Variants in CEP128 observed in about 807,000 individuals in gnomAD.
The protein encoded by CEP128 is centrosomal protein 128kDa.
In CEP128, 132 loss-of-function variants were observed where a neutral mutation model predicts 156.7. The ratio of observed to expected loss-of-function variants is 0.84; its 90% confidence interval spans 0.73 to 0.97. CEP128 has a LOEUF of 0.97. Among genes scored for constraint, CEP128 ranks in the 50% least tolerant of loss-of-function variants. CEP128 has a pLI of 0.00. For synonymous variants in CEP128, 469 were observed against 448.9 expected (o/e 1.04, Z -0.57); for missense variants, 1,252 against 1,281.9 (o/e 0.98, Z 0.36).
At chr14:80,776,978 A>G (rs182422170) in intron 16 of CEP128, among the ~76,000 whole-genome samples, 4 of 152,262 alleles carry the variant, frequency 2.6e-5, no homozygotes, top group Non-Finnish European at 5.9e-5. Flanking sequence ...TTACACATCT[A>G]CTCAAAGGAA....
intron 21 of CEP128, among the ~76,000 whole-genome samples, chr14:80,531,244 T>C (rs1889212260): frequency 6.6e-6 from 1 of 152,202 alleles, no homozygotes; most frequent in South Asian, 2.1e-4. Flanking sequence ...TATGAGGTAA[T>C]ACTGAGAAAC....
At position 80,916,575 on chromosome 14, in the gene CEP128, T is replaced by C; in HGVS notation, c.-15-13A>G. The C allele has an allele frequency of 6.3e-7, 1 of 1,598,238 alleles. No individual in the cohort carries two copies. The highest frequency in any genetic ancestry group is 8.5e-7 in the Non-Finnish European group (1 of 1,169,744). On this transcript the variant is annotated splice_polypyrimidine_tract_variant and intron_variant, in intron 2 of 24. Transcript: ENST00000555265. ...ATGTACACAAATCCTTTTAAATAAA[T>C]ATAGGTCAAAGTTAATGAAACAGTA...
At chr14:80,828,328 G>T (rs1048348705) in intron 13 of CEP128, among the ~76,000 whole-genome samples, 1 of 151,858 alleles carries the variant, frequency 6.6e-6, no homozygotes, top group Admixed American at 6.6e-5. Flanking sequence ...TCACCATGTT[G>T]GCCAGGCTGG....
intron 19 of CEP128, among the ~76,000 whole-genome samples, chr14:80,703,702 C>T: frequency 6.6e-6 from 1 of 151,986 alleles, no homozygotes; most frequent in East Asian, 1.9e-4. Context: ...GTTTAACTGC[C>T]ATTGGATATC....
chr14:80,765,014 C>A (rs1900170187), intron 16 of CEP128, among the ~76,000 whole-genome samples: 1 of 152,160 alleles, frequency 6.6e-6, no homozygotes, highest in African/African-American at 2.4e-5. Context: ...ATTCATCCCC[C>A]TCATCCAACA....
chr14:80,902,160 T>C (rs1359677113), intron 6 of CEP128, among the ~76,000 whole-genome samples: 2 of 152,218 alleles, frequency 1.3e-5, no homozygotes, highest in African/African-American at 4.8e-5. Context: ...TGCATCTCAG[T>C]TCATAAATAA....
In CEP128 at chr14:80,597,950, C is replaced by CAAAAAAA. The variant is rs34001813; in HGVS notation, c.2807-17534_2807-17528dup. On this transcript the variant is annotated intron_variant, in intron 19 of 24. Transcript: ENST00000555265. ...GAACTAGAAGGGAATTCCTCAGCTA[C>CAAAAAAA]AAAAAAAAAAAAAAAAAAAACAAAA... 3.4e-3 allele frequency among the ~76,000 whole-genome samples: 272 copies of CAAAAAAA among 79,776 alleles called. 4 individuals are homozygous for CAAAAAAA. The highest frequency in any genetic ancestry group is 5.7e-3 in the African/African-American group (113 of 19,786). The allele number at this position is 79,776 out of a possible 152,430, so 52.3% of individuals were successfully genotyped here.
In CEP128 at chr14:80,534,227, T is replaced by A. The variant is rs1166860741; in HGVS notation, c.2881-3341A>T. 1.0e-4 allele frequency among the ~76,000 whole-genome samples: 3 copies of A among 29,334 alleles called. No homozygotes were observed. In the African/African-American group the frequency reaches 1.5e-3, roughly 15 times the overall value. 19.2% of individuals were successfully genotyped at this position (29,334 alleles called of 152,430 possible). A position where few individuals can be genotyped will look rare whatever the true frequency, so the allele number is the denominator to read the frequency against. Reference sequence around the variant, plus strand: ...TCAAGAACATGAATAACATTGCAACTTTTTTTTTTTTAATTTAAGATTGGC... The same window carrying A: ...TCAAGAACATGAATAACATTGCAACATTTTTTTTTTTAATTTAAGATTGGC... On this transcript the variant is annotated intron_variant, in intron 21 of 24. Coordinates refer to ENST00000555265, the MANE Select transcript of CEP128 (RefSeq NM_152446.5).
chr14:80,565,410 A>T (rs1296214125), intron 20 of CEP128, among the ~76,000 whole-genome samples: 1 of 152,056 alleles, frequency 6.6e-6, no homozygotes, highest in Non-Finnish European at 1.5e-5. Flanking sequence ...ATCTTTAAAA[A>T]CTCTGGTCCC....
At chr14:80,728,341 G>A (rs2139504336) in intron 19 of CEP128, among the ~76,000 whole-genome samples, 1 of 152,258 alleles carries the variant, frequency 6.6e-6, no homozygotes, top group Non-Finnish European at 1.5e-5. Flanking sequence ...ATGGGCAACA[G>A]TAGACACTGA....
At chr14:80,827,531 A>G (rs1027063843) in intron 13 of CEP128, among the ~76,000 whole-genome samples, 2 of 152,226 alleles carry the variant, frequency 1.3e-5, no homozygotes, top group African/African-American at 4.8e-5. Context: ...GCGAAAGCAT[A>G]GAAGATTGCT....
chr14:80,540,748 G>A (rs959659059), intron 21 of CEP128, among the ~76,000 whole-genome samples: 2 of 152,092 alleles, frequency 1.3e-5, no homozygotes, highest in South Asian at 2.1e-4. Context: ...AGGGGAAGAT[G>A]GGCATCTTAC....
chr14:80,551,640 T>C (rs1890212348), intron 21 of CEP128, among the ~76,000 whole-genome samples: 1 of 152,196 alleles, frequency 6.6e-6, no homozygotes, highest in Non-Finnish European at 1.5e-5. Context: ...CTGGATGAAA[T>C]AAAATACTGC....
At chr14:80,540,202 C>CCA (rs1555372606) in intron 21 of CEP128, among the ~76,000 whole-genome samples, 2 of 149,802 alleles carry the variant, frequency 1.3e-5, no homozygotes, top group South Asian at 4.4e-4. Flanking sequence ...CTTACACCCC[C>CCA]CCCCCTTTTG....
intron 7 of CEP128, 131 bp downstream of exon 7, chr14:80,899,807 G>A: frequency 1.7e-6 from 1 of 587,038 alleles, no homozygotes; most frequent in Non-Finnish European, 3.0e-6. Flanking sequence ...AAACTGTTCT[G>A]TTAATAAATT....
chr14:80,576,653 GTC>G (rs34711612), intron 20 of CEP128, among the ~76,000 whole-genome samples: 6,315 of 43,708 alleles, frequency 0.14, 420 homozygotes, highest in African/African-American at 0.32. Flanking sequence ...GTGTGTGTGT[GTC>G]TGTGTCTGTG....
chr14:80,920,771 G>T (rs911187635), intron 2 of CEP128, among the ~76,000 whole-genome samples: 1 of 152,208 alleles, frequency 6.6e-6, no homozygotes, highest in Non-Finnish European at 1.5e-5. Flanking sequence ...CTTTTAAATG[G>T]TAATGTCTAT....
chr14:80,817,330 G>C (rs1200641089), intron 13 of CEP128, among the ~76,000 whole-genome samples: 1 of 152,138 alleles, frequency 6.6e-6, no homozygotes, highest in Non-Finnish European at 1.5e-5. Context: ...TACAAGACAT[G>C]CAAGGAAATA....
intron 21 of CEP128, among the ~76,000 whole-genome samples, chr14:80,553,800 T>A (rs1212294523): frequency 6.6e-6 from 1 of 152,236 alleles, no homozygotes; most frequent in African/African-American, 2.4e-5. Flanking sequence ...CTCTGTATTT[T>A]TTCATAATTT....
Sources: allele counts gnomAD v4.1 joint callset (sites outside exome capture counted in the v4.1 genomes callset), GRCh38; gene constraint gnomAD v4.1.1; transcripts MANE v1.5; gene names NCBI Gene and HGNC (gene_info 2026-07-23, HGNC 2026-07-21).